Variants in CDH12 observed in about 807,000 individuals in gnomAD.
CDH12 encodes cadherin-12.
In CDH12, 41 loss-of-function variants were observed where a neutral mutation model predicts 74.1. The ratio of observed to expected loss-of-function variants is 0.55; its 90% CI spans 0.43 to 0.72. CDH12 has a LOEUF of 0.72. Among genes scored for constraint, CDH12 ranks in the 30% least tolerant of loss-of-function variants. The pLI is 0.00. For synonymous variants in CDH12, 399 were observed against 355.0 expected (o/e 1.12, Z -1.39); for missense variants, 945 against 977.2 (o/e 0.97, Z 0.44).
chr5:22,141,847 T>G (rs1746818110), intron 4 of CDH12, among the ~76,000 whole-genome samples: 1 of 152,190 alleles, frequency 6.6e-6, no homozygotes, highest in African/African-American at 2.4e-5. Flanking sequence ...ATCATTAAGT[T>G]TCTCACATGT....
At chr5:22,457,595 T>C (rs1745332946) in intron 2 of CDH12, among the ~76,000 whole-genome samples, 2 of 150,870 alleles carry the variant, frequency 1.3e-5, no homozygotes, top group East Asian at 3.9e-4. Flanking sequence ...AATTTTTTTT[T>C]TGAGACAGAG....
At chr5:22,538,907 C>A (rs953416903) in intron 1 of CDH12, among the ~76,000 whole-genome samples, 1 of 152,098 alleles carries the variant, frequency 6.6e-6, no homozygotes, top group African/African-American at 2.4e-5. Flanking sequence ...TACTTAATTT[C>A]TCTTTAGAGA....
chr5:22,666,282 C>CCTTTTTGTTTTTT (rs1740610193), intron 1 of CDH12, among the ~76,000 whole-genome samples: 1 of 83,542 alleles, frequency 1.2e-5, no homozygotes, highest in African/African-American at 4.7e-5. Flanking sequence ...ATCTCTCTAT[C>CCTTTTTGTTTTTT]TTTTTTTTTT....
Position 21,979,411 on chromosome 5 carries a change from C to G in CDH12, c.232-4026G>C, listed in dbSNP as rs57721123. On this transcript the variant is annotated intron_variant, in intron 5 of 14. Transcript: ENST00000382254. ...GTTTTCCAAGTCATCTCAGATGGTG[C>G]GTGAAAATGAGATGCCAAAGAAGGC... Among the ~76,000 whole-genome samples, 299 of 151,902 alleles carry G rather than the reference C, an allele frequency of 2.0e-3. 7 individuals are homozygous for G. In the East Asian group the frequency reaches 0.046, roughly 23 times the overall value.
intron 1 of CDH12, among the ~76,000 whole-genome samples, chr5:22,721,889 C>T (rs1743915260): frequency 6.6e-6 from 1 of 152,126 alleles, no homozygotes; most frequent in South Asian, 2.1e-4. Flanking sequence ...GCTTCTCCTT[C>T]TCCTTCTGCC....
intron 5 of CDH12, among the ~76,000 whole-genome samples, chr5:21,994,684 G>A (rs946080578): frequency 1.3e-5 from 2 of 152,160 alleles, no homozygotes; most frequent in African/African-American, 4.8e-5. Context: ...CTTCTACTAG[G>A]TCAAAGTGAA....
intron 1 of CDH12, among the ~76,000 whole-genome samples, chr5:22,804,664 T>C (rs1306001146): frequency 1.3e-5 from 2 of 152,212 alleles, no homozygotes; most frequent in Non-Finnish European, 2.9e-5. Flanking sequence ...TCAATGGTAA[T>C]CTTCTTTACT....
intron 1 of CDH12, among the ~76,000 whole-genome samples, chr5:22,765,308 C>G (rs766392352): frequency 6.6e-6 from 1 of 151,802 alleles, no homozygotes; most frequent in East Asian, 1.9e-4. Flanking sequence ...CTACTAAATA[C>G]AAAATTTAAG....
intron 8 of CDH12, among the ~76,000 whole-genome samples, chr5:21,824,883 G>A (rs1263610366): frequency 6.6e-6 from 1 of 152,172 alleles, no homozygotes; most frequent in Non-Finnish European, 1.5e-5. Flanking sequence ...CCCAGGCACA[G>A]TGGCTCAAGT....
chr5:22,761,442 C>T (rs1404210714), intron 1 of CDH12, among the ~76,000 whole-genome samples: 1 of 152,036 alleles, frequency 6.6e-6, no homozygotes, highest in African/African-American at 2.4e-5. Context: ...CCACGGTGTG[C>T]CCCCCAGGAG....
Position 22,117,494 on chromosome 5 carries a change from T to C in CDH12, c.-186-38632A>G, listed in dbSNP as rs1444474558. Among the ~76,000 whole-genome samples the C allele has an allele frequency of 1.1e-4, 8 of 73,928 alleles. No homozygotes were observed. The Admixed American group carries it at 1.6e-3, about 15-fold the overall frequency. The allele number at this position is 73,928 out of a possible 152,430, so 48.5% of individuals were successfully genotyped here. A position where few individuals can be genotyped will look rare whatever the true frequency, so the allele number is the denominator to read the frequency against. ...ATATATATATTATATATATATTATA[T>C]ATATATAATATATATATAATATATA... On this transcript the variant is annotated intron_variant, in intron 4 of 14. Coordinates refer to ENST00000382254, the MANE Select transcript of CDH12 (RefSeq NM_004061.5).
At chr5:22,288,671 A>C (rs1737259554) in intron 3 of CDH12, among the ~76,000 whole-genome samples, 1 of 152,184 alleles carries the variant, frequency 6.6e-6, no homozygotes, top group African/African-American at 2.4e-5. Flanking sequence ...GTATATGCTG[A>C]GATTTAAAGT....
At chr5:22,047,391 G>A (rs147784516) in intron 5 of CDH12, among the ~76,000 whole-genome samples, 5 of 152,000 alleles carry the variant, frequency 3.3e-5, no homozygotes, top group Admixed American at 1.3e-4. Flanking sequence ...TTCTTCTAAC[G>A]TTGACTAACA....
chr5:21,997,928 T>C (rs1489552785), intron 5 of CDH12, among the ~76,000 whole-genome samples: 1 of 152,120 alleles, frequency 6.6e-6, no homozygotes, highest in Non-Finnish European at 1.5e-5. Context: ...CTAAAAGTTA[T>C]TGTATGACAT....
At chr5:22,311,710 A>C (rs1433373770) in intron 3 of CDH12, among the ~76,000 whole-genome samples, 1 of 151,482 alleles carries the variant, frequency 6.6e-6, no homozygotes, top group African/African-American at 2.4e-5. Flanking sequence ...CTCAAAAAAA[A>C]AAAAAAAAAA....
intron 1 of CDH12, among the ~76,000 whole-genome samples, chr5:22,783,989 A>G (rs1055646984): frequency 2.0e-5 from 3 of 151,978 alleles, no homozygotes; most frequent in Admixed American, 6.6e-5. Context: ...TTTATGCCTC[A>G]CTCACTGGAA....
chr5:21,802,210 C>A lies in CDH12; in HGVS notation c.1213G>T (p.Ala405Ser). The part of the protein sequence containing the change: ...EDTPVGTIIG[A>S]VTAQDLDVGS... ...ACATCCAGGTCTTGAGCAGTGACAG[C>A]GCCAATGATGGTCCCTACCGGAGTG... Residue 405 changes from alanine to serine, a missense_variant, in exon 10 of 15, where the codon GCT (alanine) becomes TCT (serine). By Grantham distance (99) the Ala-to-Ser change is moderately conservative. This residue lies in a region of CDH12 where 791 missense variants were observed against 792.8 expected (regional missense o/e 1.00). Transcript: ENST00000382254. 6.2e-7 allele frequency: 1 copy of A among 1,613,816 alleles called. No homozygotes were observed. The highest frequency in any genetic ancestry group is 1.7e-5 in the Admixed American group (1 of 60,012).
intron 3 of CDH12, among the ~76,000 whole-genome samples, chr5:22,344,663 C>T (rs1740033566): frequency 6.6e-6 from 1 of 151,826 alleles, no homozygotes; most frequent in South Asian, 2.1e-4. Context: ...GGCAAATAGA[C>T]TAAATTCTCT....
chr5:22,216,200 T>C (rs577991319), intron 3 of CDH12, among the ~76,000 whole-genome samples: 3 of 152,204 alleles, frequency 2.0e-5, no homozygotes, highest in Admixed American at 2.0e-4. Context: ...TTTCTTCATT[T>C]ACTTAGGTTT....
Sources: gnomAD v4.1 joint callset for allele counts (sites outside exome capture counted in the v4.1 genomes callset) on GRCh38, gnomAD v4.1.1 for gene constraint, gnomAD v4.1.1 regional missense constraint, MANE v1.5 for transcripts, NCBI Gene and HGNC (gene_info 2026-07-23, HGNC 2026-07-21) for gene names.